C1orf105: variants seen among roughly 807,000 people sequenced by gnomAD.
The protein encoded by C1orf105 is uncharacterized protein C1orf105.
C1orf105 carries 17 observed loss-of-function variants against 20.8 expected under a neutral mutation model. The ratio of observed to expected loss-of-function variants is 0.82; its 90% confidence interval spans 0.56 to 1.23. The LOEUF is 1.23. Among genes scored for constraint, C1orf105 ranks in the 50% most tolerant of loss-of-function variants. The pLI, the probability that C1orf105 is intolerant of heterozygous loss-of-function variation, is 0.00. For missense variants in C1orf105, 219 were observed against 213.5 expected, an observed-to-expected ratio of 1.03 and a Z score of -0.16; for synonymous variants, 72 against 72.1, an observed-to-expected ratio of 1.00 and a Z score of 0.01.
In C1orf105 at chr1:172,441,895, A is replaced by T. The variant is rs1467371012; in HGVS notation, c.22-3178A>T. The T allele has an allele frequency of 2.5e-6, 4 of 1,614,072 alleles. No homozygotes were observed. In the Admixed American group the frequency reaches 6.7e-5, roughly 27 times the overall value. ...GGCTCCCACAGCACTAATGGACAGT[A>T]GGCCTCCCACGGCTGAAAATGCAAA... On this transcript the variant is annotated intron_variant, in intron 1 of 6. Transcript: ENST00000367727.
At chr1:172,461,526 A>C (rs1446753424) in intron 4 of C1orf105, among the ~76,000 whole-genome samples, 2 of 152,180 alleles carry the variant, frequency 1.3e-5, no homozygotes, top group African/African-American at 4.8e-5. Flanking sequence ...AGTGCTAGGA[A>C]CAAATTTGGA....
At chr1:172,466,711 T>C (rs9425329) in intron 6 of C1orf105, among the ~76,000 whole-genome samples, 38,315 of 152,098 alleles carry the variant, frequency 0.25, 5,056 homozygotes, top group South Asian at 0.41. Flanking sequence ...CAATGTATTA[T>C]CTCTGGGAGT....
chr1:172,458,678 A>G (rs1244681368), intron 4 of C1orf105, among the ~76,000 whole-genome samples: 3 of 152,210 alleles, frequency 2.0e-5, no homozygotes, highest in African/African-American at 7.2e-5. Context: ...TGCCATTTTT[A>G]TAGAAATTTG....
rs186862154 is a variant in C1orf105 at position 172,459,759 on chromosome 1, T to C, written c.274-2419T>C. On this transcript the variant is annotated intron_variant, in intron 4 of 6. Transcript: ENST00000367727. ...ACACAAAATTCTACAAGAATGCACATAGCAGCCATATCTTAATAGCTGAAA... is the reference window on the plus strand; with the variant it reads ...ACACAAAATTCTACAAGAATGCACACAGCAGCCATATCTTAATAGCTGAAA... 6.0e-3 allele frequency among the ~76,000 whole-genome samples: 906 copies of C among 152,210 alleles called. 4 individuals carry two copies. Among genetic ancestry groups the C allele is most frequent in the Non-Finnish European group, 0.01 (704 of 67,980 alleles).
intron 5 of C1orf105, among the ~76,000 whole-genome samples, chr1:172,464,989 C>G (rs1309031789): frequency 2.6e-5 from 4 of 152,060 alleles, no homozygotes; most frequent in African/African-American, 9.7e-5. Flanking sequence ...TTTAGACCAG[C>G]CTGGCCAACA....
At chr1:172,441,962 T>G (rs1297284254) in intron 1 of C1orf105, 1 of 1,614,014 alleles carries the variant, frequency 6.2e-7, no homozygotes, top group Non-Finnish European at 8.5e-7. Context: ...GTACATGCCT[T>G]TAGTTTCTTC....
At position 172,445,160 on chromosome 1, in the gene C1orf105, T is replaced by G. The variant is rs371586803; in HGVS notation, c.107+2T>G. ...ATTAGTGCTCAGCCTTCCCAGAAGG[T>G]AACCTCTCAGCCACCGAGGGCAAAA... On this transcript the variant is annotated splice_donor_variant, in intron 2 of 6. Transcript: ENST00000367727. LOFTEE classifies it high-confidence loss of function. The G allele has an allele frequency of 1.2e-6, 2 of 1,609,434 alleles. No homozygotes were observed. Among genetic ancestry groups the G allele is most frequent in the African/African-American group, 2.7e-5 (2 of 74,746 alleles).
chr1:172,460,277 C>T (rs905762198), intron 4 of C1orf105, among the ~76,000 whole-genome samples: 1 of 151,996 alleles, frequency 6.6e-6, no homozygotes. Context: ...GTAAATAGGA[C>T]CTGGTTATGT....
chr1:172,453,232 T>G, intron 3 of C1orf105: 1 of 1,536,262 alleles, frequency 6.5e-7, no homozygotes, highest in South Asian at 1.2e-5. Flanking sequence ...TACCTTTAAA[T>G]GTAAAGTGTA....
At position 172,456,508 on chromosome 1, in the gene C1orf105, A is replaced by C; in HGVS notation, c.273+19A>C. The C allele has an allele frequency of 1.2e-6, 2 of 1,608,896 alleles. No homozygotes were observed. The highest frequency in any genetic ancestry group is 1.7e-6 in the Non-Finnish European group (2 of 1,177,136). The stretch of plus-strand genomic sequence containing the variant: ...GAAAATGGTAGGCAAGGGGGAAGAC[A>C]GAAATGGGCACAGGCATCTCAGGGT... On this transcript the variant is annotated intron_variant, in intron 4 of 6. Transcript: ENST00000367727.
intron 4 of C1orf105, among the ~76,000 whole-genome samples, chr1:172,458,909 T>C (rs1276716223): frequency 1.3e-5 from 2 of 152,194 alleles, no homozygotes; most frequent in East Asian, 3.9e-4. Context: ...AAACAATTGA[T>C]TTTTGACAAA....
chr1:172,445,092 A>C lies in C1orf105; in HGVS notation c.41A>C (p.Asp14Ala). ...CTCTAGGCTTCTGTTCCAAAATTTG[A>C]CAAGATTCCTTGGCTTAGTGAGGCC... is the stretch of plus-strand genomic sequence containing the variant. Reference protein sequence around the residue: ...RELKASVPKFDKIPWLSEASL... With the variant: ...RELKASVPKFAKIPWLSEASL... Residue 14 changes from aspartate to alanine, a missense_variant, in exon 2 of 7, where the codon GAC becomes GCC. Physicochemically the swap from Asp to Ala is moderately radical, Grantham distance 126. Transcript: ENST00000367727. The C allele has an allele frequency of 6.2e-7, 1 of 1,613,520 alleles. No homozygotes were observed. The highest frequency in any genetic ancestry group is 8.5e-7 in the Non-Finnish European group (1 of 1,179,690).
chr1:172,437,754 T>TAAC (rs1203668422), intron 1 of C1orf105, among the ~76,000 whole-genome samples: 1 of 145,932 alleles, frequency 6.9e-6, no homozygotes, highest in Admixed American at 6.9e-5. Flanking sequence ...ATAATAATAA[T>TAAC]AATAAACAAA....
chr1:172,441,803 G>A (rs1647329833), intron 1 of C1orf105: 1 of 1,610,814 alleles, frequency 6.2e-7, no homozygotes, highest in African/African-American at 1.3e-5. Flanking sequence ...TCTTTAAAAA[G>A]CTGCAAGCGA....
At chr1:172,456,628 G>C (rs1314041078) in intron 4 of C1orf105, 139 bp downstream of exon 4, 1 of 730,502 alleles carries the variant, frequency 1.4e-6, no homozygotes, top group East Asian at 2.6e-5. Flanking sequence ...AGGAGGAACT[G>C]TTGGTCCTGG....
intron 1 of C1orf105, among the ~76,000 whole-genome samples, chr1:172,432,833 A>G (rs2071913218): frequency 6.6e-6 from 1 of 152,378 alleles, no homozygotes; most frequent in East Asian, 1.9e-4. Context: ...CTAAAGAAGC[A>G]TGTTCTAAGC....
intron 3 of C1orf105, among the ~76,000 whole-genome samples, chr1:172,448,923 A>G (rs753020601): frequency 9.2e-5 from 14 of 152,100 alleles, no homozygotes; most frequent in Non-Finnish European, 1.8e-4. Context: ...TTTACATTAA[A>G]AACTCCTCAT....
At chr1:172,468,071 T>G (rs756171553) in intron 6 of C1orf105, among the ~76,000 whole-genome samples, 1 of 152,204 alleles carries the variant, frequency 6.6e-6, no homozygotes, top group Non-Finnish European at 1.5e-5. Context: ...TCCTGAGAAT[T>G]GAATCCTCTT....
At chr1:172,428,699 G>T in intron 1 of C1orf105, 1 of 605,276 alleles carries the variant, frequency 1.7e-6, no homozygotes, top group Admixed American at 3.1e-5. Flanking sequence ...TTTTTCCATA[G>T]CACTTACTAC....
Sources: allele counts gnomAD v4.1 joint callset (sites outside exome capture counted in the v4.1 genomes callset), GRCh38; gene constraint gnomAD v4.1.1; transcripts MANE v1.5; gene names NCBI Gene and HGNC (gene_info 2026-07-23, HGNC 2026-07-21).